Variants in HNF4G observed in about 807,000 individuals in gnomAD.
HNF4G encodes hepatocyte nuclear factor 4 gamma, also known as hepatocyte nuclear factor 4-gamma.
HNF4G carries 21 observed loss-of-function variants against 50.9 expected under a neutral mutation model. The observed-to-expected ratio is 0.41, with a 90% CI of 0.29 to 0.59. HNF4G has a LOEUF of 0.59. Ranked by LOEUF, HNF4G falls within the 20% of genes least tolerant of loss-of-function variation. The probability of loss-of-function intolerance (pLI) is 0.26; values close to 1 mark genes in which losing one functional copy is unlikely to be tolerated. For synonymous variants in HNF4G, 198 were observed against 185.6 expected, an observed-to-expected ratio of 1.07 and a Z score of -0.54; for missense variants, 527 against 559.4, an observed-to-expected ratio of 0.94 and a Z score of 0.58.
intron 1 of HNF4G, among the ~76,000 whole-genome samples, chr8:75,461,793 G>A (rs188103548): frequency 2.7e-5 from 4 of 150,868 alleles, no homozygotes; most frequent in Non-Finnish European, 5.9e-5. Context: ...CATAGTAAAA[G>A]ATTAACAACA....
chr8:75,408,262 GGA>G (rs1013440179), intron 1 of HNF4G: 4 of 134,940 alleles, frequency 3.0e-5, no homozygotes, highest in African/African-American at 5.5e-5. Context: ...GAGAGAGAGA[GGA>G]GAGAGAGAGA....
chr8:75,522,948 C>T (rs1273234336), intron 2 of HNF4G, among the ~76,000 whole-genome samples: 1 of 152,006 alleles, frequency 6.6e-6, no homozygotes, highest in Non-Finnish European at 1.5e-5. Flanking sequence ...TTTTTGAGGC[C>T]AGACGCGGTG....
intron 1 of HNF4G, among the ~76,000 whole-genome samples, chr8:75,439,692 A>G (rs916562779): frequency 2.6e-5 from 4 of 152,050 alleles, no homozygotes; most frequent in African/African-American, 4.8e-5. Context: ...GAGTTCACAT[A>G]TATTAAATCA....
chr8:75,454,052 TCC>T (rs767523215), intron 1 of HNF4G, among the ~76,000 whole-genome samples: 34 of 143,748 alleles, frequency 2.4e-4, no homozygotes, highest in Non-Finnish European at 3.8e-4. Flanking sequence ...TCTCTCTCTC[TCC>T]CTCCCTCCCT....
At chr8:75,472,819 T>G (rs1812147233) in intron 1 of HNF4G, among the ~76,000 whole-genome samples, 1 of 152,156 alleles carries the variant, frequency 6.6e-6, no homozygotes, top group Non-Finnish European at 1.5e-5. Context: ...TTATTCCCAG[T>G]GCGTAGAGAA....
At chr8:75,414,652 T>C (rs774598627) in intron 1 of HNF4G, among the ~76,000 whole-genome samples, 3 of 152,246 alleles carry the variant, frequency 2.0e-5, no homozygotes, top group African/African-American at 7.2e-5. Context: ...CGCAGTATTA[T>C]TTTGTGTCTG....
rs571159911 is a variant in HNF4G, at chr8:75,518,375, T to G, written c.-23-25436T>G. On this transcript the variant is annotated intron_variant, in intron 2 of 10. Coordinates refer to the HNF4G transcript ENST00000354370. ...TGGAGAAATAGGAACACTTTTACAC[T>G]GTTGGTGGGACTGCAAACTAGTTCA... Among the ~76,000 whole-genome samples the G allele has an allele frequency of 1.1e-3, 165 of 152,152 alleles. 1 individual carries two copies. The highest frequency in any genetic ancestry group is 6.8e-3 in the Middle Eastern group (2 of 294).
intron 1 of HNF4G, among the ~76,000 whole-genome samples, chr8:75,423,335 C>CTTTTTTT (rs34511777): frequency 0.012 from 1,091 of 94,498 alleles, no homozygotes; most frequent in East Asian, 0.021. Context: ...TTTTCTTTAT[C>CTTTTTTT]TTTTTTTTTT....
intron 2 of HNF4G, among the ~76,000 whole-genome samples, chr8:75,546,373 TA>T (rs1247441047): frequency 6.6e-6 from 1 of 152,162 alleles, no homozygotes; most frequent in Non-Finnish European, 1.5e-5. Flanking sequence ...TACTCTTTTT[TA>T]TGTGTTTGTT....
chr8:75,464,504 A>G lies in HNF4G; in HGVS notation c.-143-25585A>G, dbSNP rs1449367518. ...TTTTTTCCCCTTGGAAATGTCCTTCATGGAGCTCTCTATATTGTTCCTTCT... is the reference window on the plus strand; with the variant it reads ...TTTTTTCCCCTTGGAAATGTCCTTCGTGGAGCTCTCTATATTGTTCCTTCT... On this transcript the variant is annotated intron_variant, in intron 1 of 10. Transcript: ENST00000354370. 2.0e-5 allele frequency among the ~76,000 whole-genome samples: 3 copies of G among 151,948 alleles called. No homozygotes were observed. The East Asian group carries it at 5.8e-4, about 29-fold the overall frequency.
At chr8:75,459,714 AT>A (rs1811801518) in intron 1 of HNF4G, among the ~76,000 whole-genome samples, 1 of 152,134 alleles carries the variant, frequency 6.6e-6, no homozygotes, top group Admixed American at 6.6e-5. Context: ...TCATGTACAC[AT>A]TTATCCTTAC....
At chr8:75,554,066 A>G (rs1807047160) in intron 5 of HNF4G, among the ~76,000 whole-genome samples, 2 of 152,098 alleles carry the variant, frequency 1.3e-5, no homozygotes, top group African/African-American at 2.4e-5. Flanking sequence ...TATTTTTAAG[A>G]GAGCGTTTCA....
At position 75,540,847 on chromosome 8, in the gene HNF4G, GTGTA is replaced by G. The variant is rs769344793; in HGVS notation, c.118+771_118+774del. Among the ~76,000 whole-genome samples the G allele has an allele frequency of 2.6e-3, 327 of 124,604 alleles. 1 individual carries two copies. Among genetic ancestry groups the G allele is most frequent in the Middle Eastern group, 3.8e-3 (1 of 262 alleles). The allele number at this position is 124,604 out of a possible 152,430, so 81.7% of individuals were successfully genotyped here. A position where few individuals can be genotyped will look rare whatever the true frequency, so the allele number is the denominator to read the frequency against. On this transcript the variant is annotated intron_variant, in intron 1 of 9. Transcript: ENST00000396423. ...AGTAATTATGTATACTTTGGAAAAT[GTGTA>G]TGTGTGTGTGTGTGTGTGTGTGTGT...
chr8:75,439,397 A>T (rs1811220108), intron 1 of HNF4G, among the ~76,000 whole-genome samples: 1 of 152,046 alleles, frequency 6.6e-6, no homozygotes, highest in Non-Finnish European at 1.5e-5. Context: ...TCAGATTCAT[A>T]GGATTCAATG....
chr8:75,505,076 G>C (rs914494311), intron 2 of HNF4G, among the ~76,000 whole-genome samples: 2 of 151,984 alleles, frequency 1.3e-5, no homozygotes, highest in African/African-American at 4.8e-5. Context: ...CTTTTCAGAG[G>C]GTTTTATGGA....
intron 1 of HNF4G, among the ~76,000 whole-genome samples, chr8:75,437,797 A>C (rs1798721750): frequency 6.6e-6 from 1 of 152,132 alleles, no homozygotes; most frequent in Non-Finnish European, 1.5e-5. Context: ...CGGTAGACAT[A>C]ATTATATTTT....
At chr8:75,425,376 G>A (rs1277131494) in intron 1 of HNF4G, among the ~76,000 whole-genome samples, 4 of 151,434 alleles carry the variant, frequency 2.6e-5, no homozygotes, top group African/African-American at 4.9e-5. Context: ...GAGCCACCGC[G>A]CCCAGCCCAA....
At chr8:75,497,512 C>T (rs1425110745) in intron 2 of HNF4G, among the ~76,000 whole-genome samples, 16 of 151,872 alleles carry the variant, frequency 1.1e-4, no homozygotes, top group South Asian at 2.1e-4. Flanking sequence ...GGTGAAACCC[C>T]GTCTCTACTA....
chr8:75,512,694 G>T (rs1390553059), intron 2 of HNF4G, among the ~76,000 whole-genome samples: 1 of 151,916 alleles, frequency 6.6e-6, no homozygotes, highest in Non-Finnish European at 1.5e-5. Flanking sequence ...TCGATATCCT[G>T]ACCTCGAGAT....
Sources: allele counts gnomAD v4.1 joint callset (sites outside exome capture counted in the v4.1 genomes callset), GRCh38; gene constraint gnomAD v4.1.1; transcripts MANE v1.5; gene names NCBI Gene and HGNC (gene_info 2026-07-23, HGNC 2026-07-21).